LDAH: variants seen among roughly 807,000 people sequenced by gnomAD.
LDAH encodes lipid droplet-associated hydrolase.
In LDAH, 26 loss-of-function variants were observed where a neutral mutation model predicts 29.6. The ratio of observed to expected loss-of-function variants is 0.88; its 90% CI spans 0.64 to 1.22. LDAH has a LOEUF of 1.22. Ranked by LOEUF, LDAH falls within the 50% of genes most tolerant of loss-of-function variation. The pLI is 0.00. For missense variants in LDAH, 344 were observed against 387.3 expected, an observed-to-expected ratio of 0.89 and a Z score of 0.94; for synonymous variants, 117 against 133.0, an observed-to-expected ratio of 0.88 and a Z score of 0.83.
intron 4 of LDAH, among the ~76,000 whole-genome samples, chr2:20,761,647 G>T (rs548923523): frequency 6.6e-6 from 1 of 152,112 alleles, no homozygotes; most frequent in Non-Finnish European, 1.5e-5. Context: ...CACTGAACTT[G>T]ACAATATACA....
intron 3 of LDAH, chr2:20,789,122 C>T: frequency 6.5e-7 from 1 of 1,550,238 alleles, no homozygotes; most frequent in Non-Finnish European, 8.7e-7. Context: ...TGCCCTAAAT[C>T]CAAATTTTAT....
intron 6 of LDAH, among the ~76,000 whole-genome samples, chr2:20,691,634 A>T (rs1367698534): frequency 6.6e-6 from 1 of 152,228 alleles, no homozygotes; most frequent in African/African-American, 2.4e-5. Context: ...TTTAGAAGAA[A>T]ATAAATTATT....
intron 4 of LDAH, among the ~76,000 whole-genome samples, chr2:20,760,719 C>T (rs1668625650): frequency 6.6e-6 from 1 of 152,196 alleles, no homozygotes; most frequent in African/African-American, 2.4e-5. Flanking sequence ...TGGCAGTTTG[C>T]TTTTAAAGCC....
chr2:20,820,327 A>G lies in LDAH; in HGVS notation c.-3+2710T>C, dbSNP rs1156918018. Among the ~76,000 whole-genome samples, 6 of 152,268 alleles carry G rather than the reference A, an allele frequency of 3.9e-5. No homozygotes were observed. The South Asian group carries it at 6.2e-4, about 16-fold the overall frequency. On this transcript the variant is annotated intron_variant, in intron 1 of 6. Coordinates refer to ENST00000237822, the MANE Select transcript of LDAH (RefSeq NM_021925.4). Reference sequence around the variant, plus strand: ...GCCAAGTCAGTCCTAAGCAAAAAGAACAAAGCTGGAGGCATCACGCTACCT... The same window carrying G: ...GCCAAGTCAGTCCTAAGCAAAAAGAGCAAAGCTGGAGGCATCACGCTACCT...
intron 6 of LDAH, among the ~76,000 whole-genome samples, chr2:20,700,526 G>GATAAA (rs10655687): frequency 0.054 from 8,221 of 152,078 alleles, 285 homozygotes; most frequent in East Asian, 0.13. Context: ...AAGTCCAGTG[G>GATAAA]GTTATCTCGT....
intron 3 of LDAH, among the ~76,000 whole-genome samples, chr2:20,783,287 T>C (rs1433006468): frequency 1.3e-5 from 2 of 152,232 alleles, no homozygotes; most frequent in Non-Finnish European, 2.9e-5. Context: ...AAGACTATGT[T>C]GTTAGATGAA....
At chr2:20,784,098 C>T (rs1357401818) in intron 3 of LDAH, among the ~76,000 whole-genome samples, 1 of 152,156 alleles carries the variant, frequency 6.6e-6, no homozygotes, top group East Asian at 1.9e-4. Context: ...TATATTTAGA[C>T]CATTCACATT....
intron 5 of LDAH, among the ~76,000 whole-genome samples, chr2:20,722,235 G>A (rs1278783742): frequency 2.0e-5 from 3 of 151,998 alleles, no homozygotes; most frequent in Admixed American, 6.6e-5. Context: ...TTAGCCGAGC[G>A]TGGTGGTGTG....
At chr2:20,761,768 C>T (rs1668704728) in intron 4 of LDAH, among the ~76,000 whole-genome samples, 1 of 151,986 alleles carries the variant, frequency 6.6e-6, no homozygotes, top group African/African-American at 2.4e-5. Context: ...TAAACATGTA[C>T]ATGTACCCTA....
intron 6 of LDAH, among the ~76,000 whole-genome samples, chr2:20,694,553 C>G (rs1663285231): frequency 6.6e-6 from 1 of 152,206 alleles, no homozygotes; most frequent in Non-Finnish European, 1.5e-5. Flanking sequence ...TTCCTCTCTT[C>G]CGTTTATTCC....
chr2:20,705,182 GA>G (rs1272356276), intron 5 of LDAH, among the ~76,000 whole-genome samples: 2 of 152,158 alleles, frequency 1.3e-5, no homozygotes, highest in African/African-American at 4.8e-5. Flanking sequence ...GCTGTATATA[GA>G]ATTTTAAGCT....
intron 5 of LDAH, among the ~76,000 whole-genome samples, chr2:20,732,664 A>G (rs546674348): frequency 3.3e-5 from 5 of 152,296 alleles, no homozygotes; most frequent in African/African-American, 1.2e-4. Context: ...TGTCAAATTT[A>G]TATGTGTAGA....
chr2:20,723,030 T>A (rs1182047736), intron 5 of LDAH, among the ~76,000 whole-genome samples: 2 of 152,168 alleles, frequency 1.3e-5, no homozygotes, highest in Non-Finnish European at 2.9e-5. Context: ...ATAAGTTCAC[T>A]GAAAGGCAAG....
intron 4 of LDAH, among the ~76,000 whole-genome samples, chr2:20,772,154 A>C (rs1157041985): frequency 6.6e-6 from 1 of 152,260 alleles, no homozygotes; most frequent in African/African-American, 2.4e-5. Context: ...TTTCAAACAC[A>C]CAAAAGAGAA....
chr2:20,781,594 C>G (rs1670199332), intron 3 of LDAH, among the ~76,000 whole-genome samples: 1 of 152,208 alleles, frequency 6.6e-6, no homozygotes, highest in Admixed American at 6.5e-5. Context: ...GAGAGCAGAA[C>G]TGTTCTAGCT....
At chr2:20,790,814 G>T (rs1670895286) in intron 2 of LDAH, among the ~76,000 whole-genome samples, 1 of 152,062 alleles carries the variant, frequency 6.6e-6, no homozygotes, top group African/African-American at 2.4e-5. Flanking sequence ...TGATCTTTTG[G>T]GGAAACAAAC....
intron 5 of LDAH, among the ~76,000 whole-genome samples, chr2:20,716,729 C>CAT (rs138849399): frequency 0.027 from 3,331 of 124,452 alleles, 176 homozygotes; most frequent in African/African-American, 0.072. Context: ...AGTATATATA[C>CAT]ATATATATAT....
At chr2:20,701,508 T>C in intron 6 of LDAH, 62 bp downstream of exon 6, 2 of 1,341,190 alleles carry the variant, frequency 1.5e-6, no homozygotes, top group Non-Finnish European at 2.1e-6. Context: ...TTCTAGTCCT[T>C]TGCCCTCGTA....
intron 1 of LDAH, among the ~76,000 whole-genome samples, chr2:20,809,762 A>G (rs16982035): frequency 1.3e-5 from 2 of 152,190 alleles, no homozygotes; most frequent in Non-Finnish European, 2.9e-5. Flanking sequence ...GAGTAAAAGA[A>G]TACTGATACA....
Sources: allele counts gnomAD v4.1 joint callset (sites outside exome capture counted in the v4.1 genomes callset), GRCh38; gene constraint gnomAD v4.1.1; transcripts MANE v1.5; gene names NCBI Gene and HGNC (gene_info 2026-07-23, HGNC 2026-07-21).